The following GRID2 variants were observed in gnomAD, a reference collection of about 807,000 sequenced individuals.
GRID2 encodes the protein glutamate receptor ionotropic, delta-2.
GRID2 carries 33 observed loss-of-function variants against 114.8 expected under a neutral mutation model. The ratio of observed to expected loss-of-function variants is 0.29; its 90% CI spans 0.22 to 0.38. The LOEUF (loss-of-function observed/expected upper bound fraction) is 0.38, where lower values mean the gene tolerates loss of function less well. Ranked by LOEUF, GRID2 falls within the 10% of genes least tolerant of loss-of-function variation. GRID2 has a pLI of 1.00. For missense variants in GRID2, 1,184 were observed against 1,257.7 expected, an observed-to-expected ratio of 0.94 and a Z score of 0.89; for synonymous variants, 505 against 449.9, an observed-to-expected ratio of 1.12 and a Z score of -1.55.
intron 13 of GRID2, among the ~76,000 whole-genome samples, chr4:93,582,144 T>C (rs945204738): frequency 2.0e-5 from 3 of 152,112 alleles, no homozygotes; most frequent in Non-Finnish European, 4.4e-5. Flanking sequence ...AGCAGGTCTG[T>C]TTTCTTCCTG....
At chr4:93,093,775 C>G (rs1328324292) in intron 3 of GRID2, among the ~76,000 whole-genome samples, 1 of 151,862 alleles carries the variant, frequency 6.6e-6, no homozygotes, top group Non-Finnish European at 1.5e-5. Context: ...TTGATACGTG[C>G]CTAGGGTGTT....
At chr4:92,519,420 T>C (rs2149138299) in intron 1 of GRID2, among the ~76,000 whole-genome samples, 1 of 151,686 alleles carries the variant, frequency 6.6e-6, no homozygotes, top group African/African-American at 2.4e-5. Flanking sequence ...TATTTCAAAG[T>C]TCTCAGAATC....
At chr4:92,870,238 T>C (rs1295226261) in intron 2 of GRID2, among the ~76,000 whole-genome samples, 5 of 151,298 alleles carry the variant, frequency 3.3e-5, no homozygotes, top group Non-Finnish European at 7.4e-5. Flanking sequence ...CTATAAACTA[T>C]ATATATAATA....
intron 14 of GRID2, among the ~76,000 whole-genome samples, chr4:93,671,642 A>G (rs1724426072): frequency 6.6e-6 from 1 of 152,184 alleles, no homozygotes; most frequent in Admixed American, 6.5e-5. Context: ...AGTTAAATGT[A>G]AGTAGAACAA....
chr4:93,588,761 A>T (rs796603743), intron 13 of GRID2, among the ~76,000 whole-genome samples: 1 of 152,186 alleles, frequency 6.6e-6, no homozygotes, highest in Non-Finnish European at 1.5e-5. Flanking sequence ...GGCCTGAGAA[A>T]TGTTTAAAAA....
intron 10 of GRID2, among the ~76,000 whole-genome samples, chr4:93,442,773 T>C (rs1432860851): frequency 6.6e-6 from 1 of 152,062 alleles, no homozygotes; most frequent in Non-Finnish European, 1.5e-5. Flanking sequence ...CCCAGACCTC[T>C]CACCTGAACT....
chr4:93,744,449 A>C (rs1731675707), intron 14 of GRID2, among the ~76,000 whole-genome samples: 1 of 152,230 alleles, frequency 6.6e-6, no homozygotes, highest in African/African-American at 2.4e-5. Flanking sequence ...TCCAATCCTC[A>C]TGGATAACTT....
intron 4 of GRID2, among the ~76,000 whole-genome samples, chr4:93,121,475 G>A (rs1433583896): frequency 6.6e-6 from 1 of 152,118 alleles, no homozygotes; most frequent in African/African-American, 2.4e-5. Flanking sequence ...ATTCATCCAT[G>A]TTGAAGTTTG....
At chr4:93,201,017 T>C (rs1742051283) in intron 4 of GRID2, among the ~76,000 whole-genome samples, 2 of 152,216 alleles carry the variant, frequency 1.3e-5, no homozygotes, top group Admixed American at 1.3e-4. Flanking sequence ...ACTATCATTA[T>C]TCTTACTGAC....
intron 2 of GRID2, among the ~76,000 whole-genome samples, chr4:92,734,238 T>C (rs937843181): frequency 2.0e-5 from 3 of 152,124 alleles, no homozygotes; most frequent in African/African-American, 7.2e-5. Context: ...ATAATATTTA[T>C]AAATTTAAAT....
At chr4:93,539,337 G>C (rs1476325408) in intron 13 of GRID2, among the ~76,000 whole-genome samples, 1 of 151,798 alleles carries the variant, frequency 6.6e-6, no homozygotes, top group Non-Finnish European at 1.5e-5. Context: ...TGTTAAACTG[G>C]ATTTAGCAAT....
chr4:93,333,853 G>T (rs1453201933), intron 8 of GRID2, among the ~76,000 whole-genome samples: 2 of 144,828 alleles, frequency 1.4e-5, no homozygotes, highest in African/African-American at 5.7e-5. Flanking sequence ...TTGTATTTAA[G>T]TCTTATACAA....
chr4:93,727,790 T>TTC (rs1730076844), intron 14 of GRID2, among the ~76,000 whole-genome samples: 1 of 152,248 alleles, frequency 6.6e-6, no homozygotes, highest in Non-Finnish European at 1.5e-5. Flanking sequence ...GTTTGTAGTA[T>TTC]TCTCTGATGG....
At chr4:93,791,546 G>A (rs1734694983) in intron 1 of GRID2, among the ~76,000 whole-genome samples, 1 of 152,156 alleles carries the variant, frequency 6.6e-6, no homozygotes, top group Admixed American at 6.5e-5. Flanking sequence ...TAACTTTAAG[G>A]AGATTTTCAT....
intron 1 of GRID2, among the ~76,000 whole-genome samples, chr4:92,500,650 A>G (rs1421958921): frequency 1.3e-5 from 2 of 152,092 alleles, no homozygotes; most frequent in African/African-American, 4.8e-5. Context: ...CTAAGCCCTG[A>G]AATTGGTGGG....
chr4:92,455,554 G>A (rs1044340269), intron 1 of GRID2, among the ~76,000 whole-genome samples: 1 of 152,088 alleles, frequency 6.6e-6, no homozygotes, highest in Admixed American at 6.6e-5. Context: ...TGAGCGAGAG[G>A]GAAACCGCAC....
intron 2 of GRID2, among the ~76,000 whole-genome samples, chr4:92,886,739 C>T (rs1746396048): frequency 6.6e-6 from 1 of 152,154 alleles, no homozygotes; most frequent in Non-Finnish European, 1.5e-5. Context: ...CATTCTCCTG[C>T]CTCAGCCTCC....
intron 13 of GRID2, among the ~76,000 whole-genome samples, chr4:93,554,237 A>G (rs1734077165): frequency 6.6e-6 from 1 of 152,180 alleles, no homozygotes; most frequent in Non-Finnish European, 1.5e-5. Context: ...ATCATCTGCC[A>G]TAAACTGAGC....
At chr4:93,212,806 C>G (rs1277170530) in intron 5 of GRID2, among the ~76,000 whole-genome samples, 1 of 149,200 alleles carries the variant, frequency 6.7e-6, no homozygotes, top group South Asian at 2.1e-4. Context: ...GAGTTTTACT[C>G]TTGTCACCCA....
Sources: allele counts gnomAD v4.1 joint callset (sites outside exome capture counted in the v4.1 genomes callset), GRCh38; gene constraint gnomAD v4.1.1; transcripts MANE v1.5; gene names NCBI Gene and HGNC (gene_info 2026-07-23, HGNC 2026-07-21).